ARHGEF16: variants seen among roughly 807,000 people sequenced by gnomAD.
ARHGEF16 encodes Rho guanine exchange factor (GEF) 16.
Under a neutral mutation model 74.1 loss-of-function variants are expected in ARHGEF16, and 59 were observed. That is an observed-to-expected ratio of 0.80 (90% CI 0.65 to 0.99). The LOEUF (loss-of-function observed/expected upper bound fraction) is 0.99. ARHGEF16 is among the 50% of genes least tolerant of loss of function. The probability of loss-of-function intolerance (pLI) is 0.00; values close to 1 mark genes in which losing one functional copy is unlikely to be tolerated. For synonymous variants in ARHGEF16, 415 were observed against 412.6 expected (o/e 1.01, Z -0.07); for missense variants, 948 against 986.6 (o/e 0.96, Z 0.52).
intron 10 of ARHGEF16, 23 bp downstream of exon 10, chr1:3,476,085 G>T: frequency 1.3e-6 from 2 of 1,547,614 alleles, no homozygotes; most frequent in Non-Finnish European, 1.7e-6. Flanking sequence ...GGACATCAGG[G>T]CCACTCGGAC....
chr1:3,473,263 C>T lies in ARHGEF16; in HGVS notation c.1175+33C>T, dbSNP rs200460153. The T allele has an allele frequency of 1.1e-4, 171 of 1,607,106 alleles. No individual in the cohort carries two copies. The African/African-American group carries it at 2.0e-3, about 19-fold the overall frequency. Reference sequence around the variant, plus strand: ...GGCGGCCCCGAGGCCCGCAGGGTGGCTCAGGAGCATCCTGCACCCTGGTCT... The same window carrying T: ...GGCGGCCCCGAGGCCCGCAGGGTGGTTCAGGAGCATCCTGCACCCTGGTCT... On this transcript the variant is annotated intron_variant, in intron 7 of 14. Transcript: ENST00000378378.
intron 9 of ARHGEF16, 87 bp from the exon 10 acceptor site, chr1:3,475,883 G>C (rs1201009055): frequency 7.4e-6 from 10 of 1,346,514 alleles, no homozygotes; most frequent in African/African-American, 1.5e-5. Context: ...GGCTGGCTGG[G>C]CAGGTGTCCT....
chr1:3,459,192 C>G (rs986268511), intron 1 of ARHGEF16, among the ~76,000 whole-genome samples: 2 of 152,124 alleles, frequency 1.3e-5, no homozygotes, highest in Non-Finnish European at 2.9e-5. Context: ...GCTCAGTGAA[C>G]GAACACGGAC....
intron 14 of ARHGEF16, 23 bp from the exon 15 acceptor site, chr1:3,480,425 C>T: frequency 1.2e-6 from 2 of 1,611,492 alleles, no homozygotes; most frequent in Non-Finnish European, 1.7e-6. Context: ...CCTCACCTCC[C>T]TCCCACCCCT....
chr1:3,461,243 C>T (rs555294145), intron 1 of ARHGEF16, among the ~76,000 whole-genome samples: 8 of 152,328 alleles, frequency 5.3e-5, no homozygotes, highest in South Asian at 2.1e-4. Flanking sequence ...TTTGAACCTA[C>T]GAAGCTCCCT....
intron 4 of ARHGEF16, among the ~76,000 whole-genome samples, chr1:3,467,560 C>T (rs1268796416): frequency 1.3e-5 from 2 of 152,218 alleles, no homozygotes; most frequent in Non-Finnish European, 1.5e-5. Flanking sequence ...GCCCTGCCGT[C>T]GTGCGTGCGA....
intron 1 of ARHGEF16, among the ~76,000 whole-genome samples, chr1:3,455,804 A>G (rs1167156837): frequency 6.6e-6 from 1 of 152,082 alleles, no homozygotes; most frequent in African/African-American, 2.4e-5. Context: ...CTCTTTGTGA[A>G]CTAAGCAGCT....
chr1:3,456,836 A>G (rs1639276957), intron 1 of ARHGEF16, among the ~76,000 whole-genome samples: 2 of 152,242 alleles, frequency 1.3e-5, no homozygotes, highest in Non-Finnish European at 2.9e-5. Context: ...TGTCTCATTC[A>G]GAGCCGGAGC....
At position 3,478,613 on chromosome 1, in the gene ARHGEF16, G is replaced by C. The variant is rs374272150; in HGVS notation, c.1814+1G>C. On this transcript the variant is annotated splice_donor_variant, in intron 12 of 14. Coordinates refer to ENST00000378378, the MANE Select transcript of ARHGEF16 (RefSeq NM_014448.4). LOFTEE classifies it high-confidence loss of function. ...AGCTCCTGCTCTCCTCGGACTCCGC[G>C]TAAGTGGGCTCCCGGGAGGGCTGTT... is the stretch of plus-strand genomic sequence containing the variant. The C allele has an allele frequency of 1.1e-5, 18 of 1,603,072 alleles. No homozygotes were observed. Among genetic ancestry groups the C allele is most frequent in the Non-Finnish European group, 1.3e-5 (15 of 1,173,642 alleles).
rs1385359729 is a variant in ARHGEF16, at chr1:3,480,516, A to G, written c.2059A>G (p.Ile687Val). 3.7e-6 allele frequency: 6 copies of G among 1,612,384 alleles called. No homozygotes were observed. Among genetic ancestry groups the G allele is most frequent in the Non-Finnish European group, 5.1e-6 (6 of 1,179,972 alleles). The change falls in exon 15 of 15, where the codon ATC (isoleucine) becomes GTC (valine). Residue 687 changes from isoleucine (I) to valine (V), a missense_variant. Ile to Val is a conservative substitution (Grantham distance 29). Coordinates refer to ENST00000378378, the MANE Select transcript of ARHGEF16 (RefSeq NM_014448.4). ...GTTCCCCGAGGACTTTGCCCGCTTC[A>G]TCACCAGCCGTGTGGCCGTGGAGGG... ...GWFPEDFARFITSRVAVEGNV... is the reference protein window; with the variant it reads ...GWFPEDFARFVTSRVAVEGNV...
intron 1 of ARHGEF16, among the ~76,000 whole-genome samples, chr1:3,455,795 T>G (rs1569827611): frequency 6.6e-6 from 1 of 152,280 alleles, no homozygotes; most frequent in Middle Eastern, 3.4e-3. Context: ...ACATCCTGGC[T>G]CTTTGTGAAC....
intron 14 of ARHGEF16, among the ~76,000 whole-genome samples, 184 bp from the exon 15 acceptor site, chr1:3,480,264 C>T (rs571913632): frequency 4.7e-4 from 72 of 152,306 alleles, no homozygotes; most frequent in African/African-American, 1.7e-3. Context: ...GTGGCGAGCA[C>T]CTGAGCAGGG....
At chr1:3,465,975 T>G in intron 2 of ARHGEF16, 173 bp from the exon 3 acceptor site, 2 of 674,764 alleles carry the variant, frequency 3.0e-6, no homozygotes, top group South Asian at 3.5e-5. Context: ...TGAGCCCTCC[T>G]CCCACCTCTC....
chr1:3,465,554 C>G (rs1396249112), intron 2 of ARHGEF16, among the ~76,000 whole-genome samples: 1 of 151,328 alleles, frequency 6.6e-6, no homozygotes, highest in Non-Finnish European at 1.5e-5. Flanking sequence ...GGGGAGTTTA[C>G]AGGCCCCAAC....
rs754060139 is a variant in ARHGEF16 at position 3,478,463 on chromosome 1, C to G, written c.1665C>G (p.Asn555Lys). 3 of 1,611,862 alleles carry G rather than the reference C, an allele frequency of 1.9e-6. No homozygotes were observed. The highest frequency in any genetic ancestry group is 2.5e-6 in the Non-Finnish European group (3 of 1,179,472). ...TGGTCCAGGACTACGCCCAGATGAA[C>G]CACATCCAGGTGGAGAAGATAGAGC... Reference protein sequence around the residue: ...SYMVQDYAQMNHIQVEKIEPS... With the variant: ...SYMVQDYAQMKHIQVEKIEPS... The change falls in exon 12 of 15, where the codon AAC (asparagine) becomes AAG (lysine). Residue 555 changes from asparagine (N) to lysine (K), a missense_variant. Physicochemically the swap from Asn to Lys is moderately conservative, Grantham distance 94 (BLOSUM62 0). Transcript: ENST00000378378.
intron 9 of ARHGEF16, 99 bp from the exon 10 acceptor site, chr1:3,475,871 G>A (rs1639855646): frequency 3.2e-6 from 4 of 1,253,564 alleles, no homozygotes; most frequent in Non-Finnish European, 3.3e-6. Flanking sequence ...TGGGCAGCCA[G>A]AGGCTGGCTG....
chr1:3,455,044 C>T (rs1306562890), intron 1 of ARHGEF16, among the ~76,000 whole-genome samples: 1 of 151,904 alleles, frequency 6.6e-6, no homozygotes, highest in Non-Finnish European at 1.5e-5. Flanking sequence ...TGGACCCGCC[C>T]CCCCACACAC....
chr1:3,473,549 C>G, intron 8 of ARHGEF16, 27 bp downstream of exon 8: 2 of 1,602,240 alleles, frequency 1.2e-6, no homozygotes, highest in Non-Finnish European at 8.5e-7. Context: ...AGGGTGGGGC[C>G]GGGCATACCA....
intron 10 of ARHGEF16, among the ~76,000 whole-genome samples, 173 bp downstream of exon 10, chr1:3,476,235 C>T (rs1243444896): frequency 1.3e-5 from 2 of 152,182 alleles, no homozygotes; most frequent in African/African-American, 4.8e-5. Context: ...CTCCAGGCCT[C>T]AGTCTCCCGA....
Sources: gnomAD v4.1 joint callset for allele counts (sites outside exome capture counted in the v4.1 genomes callset) on GRCh38, gnomAD v4.1.1 for gene constraint, MANE v1.5 for transcripts, NCBI Gene and HGNC (gene_info 2026-07-23, HGNC 2026-07-21) for gene names.